Variants in KIAA1217 observed in about 807,000 individuals in gnomAD.
KIAA1217 encodes sickle tail protein homolog.
KIAA1217 carries 88 observed loss-of-function variants against 163.9 expected under a neutral mutation model. That is an observed-to-expected ratio of 0.54 (90% confidence interval 0.45 to 0.64). The LOEUF is 0.64. Among genes scored for constraint, KIAA1217 ranks in the 30% least tolerant of loss-of-function variants. The pLI is 0.00. For synonymous variants in KIAA1217, 903 were observed against 923.1 expected (o/e 0.98, Z 0.39); for missense variants, 2,372 against 2,475.0 (o/e 0.96, Z 0.88).
chr10:24,078,788 C>G (rs1468047761), intron 2 of KIAA1217, among the ~76,000 whole-genome samples: 1 of 152,054 alleles, frequency 6.6e-6, no homozygotes, highest in Admixed American at 6.6e-5. Context: ...GAGAGAGAGA[C>G]AAATGAAAAG....
chr10:23,795,740 G>A (rs1015086844), intron 1 of KIAA1217, among the ~76,000 whole-genome samples: 6 of 152,278 alleles, frequency 3.9e-5, no homozygotes, highest in Admixed American at 1.3e-4. Context: ...AAAACAAAGA[G>A]TGGTAGTCAG....
At chr10:23,935,373 T>G (rs1482259085) in intron 1 of KIAA1217, among the ~76,000 whole-genome samples, 1 of 152,228 alleles carries the variant, frequency 6.6e-6, no homozygotes, top group Non-Finnish European at 1.5e-5. Context: ...AAAACACATC[T>G]AAGCATTTTG....
At chr10:23,979,224 C>T (rs1845663564) in intron 1 of KIAA1217, among the ~76,000 whole-genome samples, 1 of 152,194 alleles carries the variant, frequency 6.6e-6, no homozygotes, top group Admixed American at 6.5e-5. Context: ...GACTTAAAGA[C>T]TCAGGATTTA....
chr10:23,896,979 A>G (rs1390946223), intron 1 of KIAA1217, among the ~76,000 whole-genome samples: 1 of 152,062 alleles, frequency 6.6e-6, no homozygotes, highest in Non-Finnish European at 1.5e-5. Context: ...TAATGAAAAC[A>G]CTTGTGGTAA....
intron 1 of KIAA1217, among the ~76,000 whole-genome samples, chr10:24,002,744 C>T (rs1846807118): frequency 6.6e-6 from 1 of 152,024 alleles, no homozygotes; most frequent in Non-Finnish European, 1.5e-5. Context: ...TTTTGGTGCA[C>T]CTGTCACTCA....
intron 1 of KIAA1217, among the ~76,000 whole-genome samples, chr10:23,711,357 C>A (rs1010074946): frequency 3.3e-5 from 5 of 151,940 alleles, no homozygotes; most frequent in Non-Finnish European, 7.4e-5. Context: ...TCACAAGGGT[C>A]CTTACAAGAG....
Position 24,473,374 on chromosome 10 carries a change from T to C in KIAA1217, c.993T>C (p.Pro331=). 1 of 1,611,548 alleles carries C rather than the reference T, an allele frequency of 6.2e-7. No individual in the cohort carries two copies. Among genetic ancestry groups the C allele is most frequent in the Non-Finnish European group, 8.5e-7 (1 of 1,178,584 alleles). ...HSMPPSPSRI[P]YGGTRSMVVP... ...TGCCCCCCTCCCCGTCCAGAATTCCTTATGGGGGCACCCGCTCCATGGTTG... is the reference window on the plus strand; with the variant it reads ...TGCCCCCCTCCCCGTCCAGAATTCCCTATGGGGGCACCCGCTCCATGGTTG... Residue 331 remains proline (P), a synonymous_variant, in exon 6 of 21, where the codon CCT becomes CCC. Transcript: ENST00000376454.
At chr10:24,151,565 G>A (rs1408811123) in intron 2 of KIAA1217, among the ~76,000 whole-genome samples, 1 of 150,758 alleles carries the variant, frequency 6.6e-6, no homozygotes, top group Non-Finnish European at 1.5e-5. Context: ...GTGTGTGTGT[G>A]CTTCAGAGTT....
intron 2 of KIAA1217, among the ~76,000 whole-genome samples, chr10:24,063,510 G>C (rs149277963): frequency 0.025 from 3,877 of 152,146 alleles, 158 homozygotes; most frequent in African/African-American, 0.089. Context: ...TCCCTGTTTT[G>C]GTACCAGTAC....
chr10:23,869,836 C>G (rs561803713), intron 1 of KIAA1217, among the ~76,000 whole-genome samples: 22 of 152,004 alleles, frequency 1.4e-4, no homozygotes, highest in Non-Finnish European at 2.6e-4. Context: ...GGGTATTTGT[C>G]TTGCTTCTAA....
chr10:24,527,860 C>A, intron 13 of KIAA1217, 76 bp from the exon 14 acceptor site: 1 of 1,149,300 alleles, frequency 8.7e-7, no homozygotes, highest in Non-Finnish European at 1.3e-6. Flanking sequence ...CACCCTCCAC[C>A]CTCTGAGAGG....
intron 1 of KIAA1217, among the ~76,000 whole-genome samples, chr10:23,887,228 T>A (rs1458045273): frequency 6.6e-6 from 1 of 151,806 alleles, no homozygotes; most frequent in Non-Finnish European, 1.5e-5. Context: ...TGTGCCAGAG[T>A]CTTTTTTTAA....
At chr10:24,503,550 G>T (rs919330899) in intron 9 of KIAA1217, among the ~76,000 whole-genome samples, 1 of 152,192 alleles carries the variant, frequency 6.6e-6, no homozygotes, top group Non-Finnish European at 1.5e-5. Context: ...CCCTTTAAAG[G>T]ATAGTAGCCA....
chr10:24,075,639 T>G (rs2131639796), intron 2 of KIAA1217, among the ~76,000 whole-genome samples: 1 of 151,628 alleles, frequency 6.6e-6, no homozygotes, highest in East Asian at 1.9e-4. Flanking sequence ...AGTCTTGCTC[T>G]GTTGCCCAGG....
At chr10:24,420,160 C>T (rs558465641) in intron 3 of KIAA1217, among the ~76,000 whole-genome samples, 3 of 152,320 alleles carry the variant, frequency 2.0e-5, no homozygotes, top group Admixed American at 2.0e-4. Context: ...TTTACACTCT[C>T]ACCAGCAGTA....
intron 1 of KIAA1217, among the ~76,000 whole-genome samples, chr10:23,750,020 C>A (rs192346855): frequency 4.0e-3 from 603 of 151,658 alleles, no homozygotes; most frequent in African/African-American, 0.013. Context: ...CTTTTCTTTT[C>A]TTTTTTTGAC....
chr10:23,845,543 ATG>A (rs1838983863), intron 1 of KIAA1217, among the ~76,000 whole-genome samples: 2 of 152,228 alleles, frequency 1.3e-5, no homozygotes, highest in Admixed American at 1.3e-4. Context: ...TTCTTTTGAG[ATG>A]TGTCTGTTCA....
intron 5 of KIAA1217, among the ~76,000 whole-genome samples, chr10:24,464,811 C>T (rs1001460185): frequency 3.3e-5 from 5 of 152,080 alleles, no homozygotes; most frequent in East Asian, 1.9e-4. Flanking sequence ...GATAACATGT[C>T]GAACATGGCA....
At chr10:24,224,517 T>C (rs2070175583) in intron 2 of KIAA1217, among the ~76,000 whole-genome samples, 1 of 151,848 alleles carries the variant, frequency 6.6e-6, no homozygotes, top group Admixed American at 6.6e-5. Context: ...CAGCCAATTT[T>C]TGTATTTTTA....
Sources: gnomAD v4.1 joint callset for allele counts (sites outside exome capture counted in the v4.1 genomes callset) on GRCh38, gnomAD v4.1.1 for gene constraint, MANE v1.5 for transcripts, NCBI Gene and HGNC (gene_info 2026-07-23, HGNC 2026-07-21) for gene names.